Variants in ACER1 observed in about 807,000 individuals in gnomAD.
ACER1 encodes alkaline ceramidase 1.
ACER1 carries 28 observed loss-of-function variants against 24.9 expected under a neutral mutation model. The observed-to-expected ratio is 1.13, with a 90% CI of 0.83 to 1.54. ACER1 has a LOEUF of 1.54. Ranked by LOEUF, ACER1 falls within the 40% of genes most tolerant of loss-of-function variation. The pLI is 0.00. For synonymous variants in ACER1, 132 were observed against 131.4 expected (o/e 1.00, Z -0.03); for missense variants, 352 against 349.3 (o/e 1.01, Z -0.06).
intron 1 of ACER1, among the ~76,000 whole-genome samples, chr19:6,330,060 ACGGGGTTTCAC>A (rs1282935753): frequency 1.3e-5 from 2 of 150,884 alleles, no homozygotes; most frequent in Admixed American, 1.3e-4. Context: ...TTTAGCAGAG[ACGGGGTTTCAC>A]CGTGTTAGCC....
the ACER1 span, among the ~76,000 whole-genome samples, chr19:6,340,845 C>T: frequency 2.6e-5 from 4 of 152,098 alleles, no homozygotes; most frequent in Admixed American, 1.3e-4. Flanking sequence ...CAAACAGAGG[C>T]GTGTGAGCTC....
At chr19:6,353,999 C>T in the ACER1 span, among the ~76,000 whole-genome samples, 13 of 151,018 alleles carry the variant, frequency 8.6e-5, no homozygotes, top group Admixed American at 2.6e-4. Context: ...CTGGCCAACA[C>T]GGTGGAACCC....
chr19:6,358,933 C>CAAAAAAAAAAAAAAAA, the ACER1 span, among the ~76,000 whole-genome samples: 25 of 75,390 alleles, frequency 3.3e-4, no homozygotes, highest in African/African-American at 1.3e-3. Flanking sequence ...AACTCTGTCT[C>CAAAAAAAAAAAAAAAA]AAAAAAAAAA....
At chr19:6,348,009 C>G in the ACER1 span, among the ~76,000 whole-genome samples, 2 of 134,136 alleles carry the variant, frequency 1.5e-5, no homozygotes, top group Non-Finnish European at 3.2e-5. Flanking sequence ...CCTGGCCTCC[C>G]AACGTGCTGG....
intron 1 of ACER1, among the ~76,000 whole-genome samples, chr19:6,319,797 G>C (rs1048043483): frequency 8.6e-5 from 13 of 151,958 alleles, no homozygotes; most frequent in African/African-American, 3.1e-4. Flanking sequence ...ATACATTTTA[G>C]TAGAAAAGAA....
chr19:6,334,294 T>C (rs1244506239), upstream of ACER1, among the ~76,000 whole-genome samples: 3 of 152,108 alleles, frequency 2.0e-5, no homozygotes, highest in Admixed American at 2.0e-4. Context: ...TCCACCTGCC[T>C]TGGCCTCCCA....
chr19:6,351,947 T>C, the ACER1 span, among the ~76,000 whole-genome samples: 1 of 150,344 alleles, frequency 6.7e-6, no homozygotes, highest in Non-Finnish European at 1.5e-5. Context: ...TCCCAGCTAC[T>C]CGGGAGGCTG....
At chr19:6,344,264 G>A in the ACER1 span, among the ~76,000 whole-genome samples, 195 of 151,314 alleles carry the variant, frequency 1.3e-3, no homozygotes, top group Non-Finnish European at 2.1e-3. Flanking sequence ...GCGAGACTCC[G>A]TCTAAAAATA....
At chr19:6,317,730 GTTTT>G in intron 1 of ACER1, among the ~76,000 whole-genome samples, 1 of 151,828 alleles carries the variant, frequency 6.6e-6, no homozygotes, top group Middle Eastern at 3.4e-3. Flanking sequence ...TTGTTGTTTT[GTTTT>G]TTGTTTGTTA....
intron 1 of ACER1, among the ~76,000 whole-genome samples, chr19:6,320,213 C>A (rs1470265361): frequency 1.3e-5 from 2 of 152,200 alleles, no homozygotes; most frequent in African/African-American, 4.8e-5. Flanking sequence ...ACCAGCAACA[C>A]CTGGCCTCTG....
At chr19:6,317,213 A>G (rs150090960) in intron 1 of ACER1, among the ~76,000 whole-genome samples, 5,308 of 152,120 alleles carry the variant, frequency 0.035, 326 homozygotes, top group African/African-American at 0.12. Context: ...ACCTCAAGTG[A>G]TCTACCCACC....
chr19:6,335,103 A>T (rs955823201), upstream of ACER1, among the ~76,000 whole-genome samples: 3 of 145,472 alleles, frequency 2.1e-5, no homozygotes, highest in African/African-American at 7.6e-5. Flanking sequence ...ATAATATTTT[A>T]AATATTTTAG....
the ACER1 span, among the ~76,000 whole-genome samples, chr19:6,349,129 GGAA>G: frequency 0.059 from 8,806 of 149,140 alleles, 385 homozygotes; most frequent in African/African-American, 0.12. Context: ...AGGAGGAAGA[GGAA>G]GAAGAAGAAG....
At chr19:6,328,807 C>T (rs947356568) in intron 1 of ACER1, among the ~76,000 whole-genome samples, 13 of 151,656 alleles carry the variant, frequency 8.6e-5, no homozygotes, top group Non-Finnish European at 8.8e-5. Context: ...GCTGGAACTA[C>T]GGATGCATGC....
chr19:6,335,906 C>CTTTTCTTTTTTTTT (rs1555717055), upstream of ACER1, among the ~76,000 whole-genome samples: 578 of 141,510 alleles, frequency 4.1e-3, 7 homozygotes, highest in African/African-American at 0.014. Context: ...TTTTTCTTTT[C>CTTTTCTTTTTTTTT]TTTTTTTTTT....
At chr19:6,310,161 C>T (rs1349805115) in intron 3 of ACER1, among the ~76,000 whole-genome samples, 2 of 151,852 alleles carry the variant, frequency 1.3e-5, no homozygotes, top group Admixed American at 6.6e-5. Context: ...GATCTGGGCT[C>T]GCTGCAAGCT....
At chr19:6,347,355 C>T in the ACER1 span, among the ~76,000 whole-genome samples, 2 of 149,224 alleles carry the variant, frequency 1.3e-5, no homozygotes, top group Non-Finnish European at 3.0e-5. Context: ...TTAGTGGTGA[C>T]GACAGGTGTG....
chr19:6,322,196 C>G (rs1568311415), intron 1 of ACER1, among the ~76,000 whole-genome samples: 1 of 152,104 alleles, frequency 6.6e-6, no homozygotes, highest in Non-Finnish European at 1.5e-5. Context: ...CCTGGGTCAA[C>G]AAGATTTATA....
chr19:6,310,792 C>T (rs537667281), intron 3 of ACER1, among the ~76,000 whole-genome samples: 5 of 147,730 alleles, frequency 3.4e-5, no homozygotes, highest in East Asian at 2.0e-4. Context: ...AGGCAGGGAT[C>T]GCTTGAGCCT....
Sources: allele counts gnomAD v4.1 joint callset (sites outside exome capture counted in the v4.1 genomes callset), GRCh38; gene constraint gnomAD v4.1.1; transcripts MANE v1.5; gene names NCBI Gene and HGNC (gene_info 2026-07-23, HGNC 2026-07-21).